The following KATNAL2 variants were observed in gnomAD, a reference collection of about 807,000 sequenced individuals.
KATNAL2 encodes the protein katanin p60 ATPase-containing subunit A-like 2.
A neutral mutation model predicts 76.3 loss-of-function variants in KATNAL2; 52 were observed. That is an observed-to-expected ratio of 0.68 (90% CI 0.55 to 0.86). The LOEUF is 0.86. Ranked by LOEUF, KATNAL2 falls within the 40% of genes least tolerant of loss-of-function variation. The pLI is 0.00. For synonymous variants in KATNAL2, 243 were observed against 244.2 expected (o/e 1.00, Z 0.05); for missense variants, 660 against 668.9 (o/e 0.99, Z 0.15).
intron 3 of KATNAL2, among the ~76,000 whole-genome samples, chr18:46,955,105 C>CCCTCCCTT (rs2059686463): frequency 7.0e-6 from 1 of 143,780 alleles, no homozygotes; most frequent in African/African-American, 2.6e-5. Flanking sequence ...CTCCCTCCCT[C>CCCTCCCTT]CCTTCCTTCC....
At chr18:47,068,147 G>A (rs980150426) in intron 11 of KATNAL2, among the ~76,000 whole-genome samples, 4 of 152,214 alleles carry the variant, frequency 2.6e-5, no homozygotes, top group African/African-American at 4.8e-5. Context: ...CAAAGTCACA[G>A]GGCCAGGCCC....
chr18:46,952,405 T>G (rs1397848655), intron 3 of KATNAL2, among the ~76,000 whole-genome samples: 3 of 139,300 alleles, frequency 2.2e-5, no homozygotes, highest in South Asian at 2.5e-4. Context: ...TTTTTTTTTT[T>G]TTTTTTTTTT....
chr18:47,061,406 C>T (rs890180457), intron 8 of KATNAL2, among the ~76,000 whole-genome samples: 3 of 152,120 alleles, frequency 2.0e-5, no homozygotes, highest in Non-Finnish European at 2.9e-5. Context: ...AACCAGGTCC[C>T]TCGTGAACTA....
Position 47,100,327 on chromosome 18 carries a change from T to A in KATNAL2, c.1448T>A (p.Ile483Asn). ...REAAMRPVRK[I>N]FDALENHQSE... ...GCAGCCATGCGGCCCGTGAGGAAGATCTTTGATGCACTTGAAAATCACCAG... is the reference window on the plus strand; with the variant it reads ...GCAGCCATGCGGCCCGTGAGGAAGAACTTTGATGCACTTGAAAATCACCAG... Residue 483 changes from isoleucine to asparagine, a missense_variant, in exon 17 of 18, where the codon ATC becomes AAC. Ile to Asn is a moderately radical substitution (Grantham distance 149, BLOSUM62 -3). Coordinates refer to ENST00000683218, the MANE Select transcript of KATNAL2 (RefSeq NM_001387690.1). 1.2e-6 allele frequency: 2 copies of A among 1,614,008 alleles called. No homozygotes were observed. Among genetic ancestry groups the A allele is most frequent in the Non-Finnish European group, 8.5e-7 (1 of 1,179,928 alleles).
At chr18:47,033,386 G>A (rs778297197) in intron 3 of KATNAL2, 8 of 1,613,998 alleles carry the variant, frequency 5.0e-6, no homozygotes, top group Non-Finnish European at 5.9e-6. Flanking sequence ...CGTGCAGATC[G>A]GATATTCGTT....
intron 5 of KATNAL2, among the ~76,000 whole-genome samples, chr18:47,054,013 G>A (rs1474804047): frequency 6.6e-6 from 1 of 152,226 alleles, no homozygotes; most frequent in Non-Finnish European, 1.5e-5. Flanking sequence ...TGACTTCAGT[G>A]TTCCCTGCCA....
At chr18:47,055,418 A>G (rs2061443667) in intron 6 of KATNAL2, among the ~76,000 whole-genome samples, 1 of 152,212 alleles carries the variant, frequency 6.6e-6, no homozygotes, top group South Asian at 2.1e-4. Context: ...TGCCTCCGCT[A>G]CATTTCCCAC....
At chr18:46,957,553 C>CCTTTTTTTTTTT (rs1161903395) in intron 3 of KATNAL2, among the ~76,000 whole-genome samples, 1 of 60,512 alleles carries the variant, frequency 1.7e-5, no homozygotes, top group South Asian at 7.5e-4. Context: ...CGCGCCTGGC[C>CCTTTTTTTTTTT]TTTTTTTTTT....
intron 3 of KATNAL2, chr18:47,034,593 G>T: frequency 6.2e-7 from 1 of 1,614,180 alleles, no homozygotes. Context: ...TGTGCCCCTT[G>T]CTGTGGCTCA....
At chr18:46,941,520 AAAT>A (rs2146628000) in intron 1 of KATNAL2, among the ~76,000 whole-genome samples, 2 of 152,196 alleles carry the variant, frequency 1.3e-5, no homozygotes, top group African/African-American at 4.8e-5. Context: ...GAAAAGCAAA[AAAT>A]AAAAATAAAA....
At position 47,033,572 on chromosome 18, in the gene KATNAL2, C is replaced by A. The variant is rs536656582; in HGVS notation, c.52-12885C>A. ...TCTTTCTTTCTGCGATACAGCTGAT[C>A]GGGCCTCCACCCTTCCAGAACAGGT... On this transcript the variant is annotated intron_variant, in intron 3 of 17. Coordinates refer to ENST00000683218, the MANE Select transcript of KATNAL2 (RefSeq NM_001387690.1). 6.2e-6 allele frequency: 10 copies of A among 1,614,198 alleles called. No individual in the cohort carries two copies. The South Asian group carries it at 7.7e-5, about 12-fold the overall frequency.
intron 1 of KATNAL2, among the ~76,000 whole-genome samples, chr18:46,941,961 C>T (rs1449121652): frequency 3.3e-5 from 5 of 152,116 alleles, no homozygotes; most frequent in African/African-American, 7.2e-5. Context: ...TTCCTACCAG[C>T]TAGGGTTACA....
Position 47,069,517 on chromosome 18 carries a change from A to G in KATNAL2, c.925A>G (p.Thr309Ala), listed in dbSNP as rs1348988238. 2 of 1,614,036 alleles carry G rather than the reference A, an allele frequency of 1.2e-6. No homozygotes were observed. Among genetic ancestry groups the G allele is most frequent in the Admixed American group, 3.3e-5 (2 of 60,002 alleles). ...GKTLLAKAVA[T>A]ECKTTFFNIS... ...GACTTTACTGGCCAAAGCTGTGGCC[A>G]CTGAATGTAAAACAACCTTCTTTAA... is the stretch of plus-strand genomic sequence containing the variant. The change falls in exon 13 of 18, where the codon ACT (threonine) becomes GCT (alanine). Residue 309 changes from threonine to alanine, a missense_variant. Transcript: ENST00000683218.
At chr18:46,961,966 C>A (rs542737703) in intron 3 of KATNAL2, among the ~76,000 whole-genome samples, 1 of 152,134 alleles carries the variant, frequency 6.6e-6, no homozygotes, top group Admixed American at 6.6e-5. Flanking sequence ...AGGGAGTCTG[C>A]GGAAAGAGCT....
chr18:47,040,912 A>G (rs2060941232), intron 3 of KATNAL2, among the ~76,000 whole-genome samples: 1 of 152,218 alleles, frequency 6.6e-6, no homozygotes, highest in Non-Finnish European at 1.5e-5. Flanking sequence ...TCTATATTGA[A>G]TACAATTTTA....
At chr18:47,067,474 C>T (rs1348642190) in intron 11 of KATNAL2, among the ~76,000 whole-genome samples, 1 of 152,086 alleles carries the variant, frequency 6.6e-6, no homozygotes, top group Non-Finnish European at 1.5e-5. Flanking sequence ...CACTTTGTTT[C>T]CACAGATCCT....
chr18:47,064,119 G>A (rs902347662), intron 10 of KATNAL2, among the ~76,000 whole-genome samples: 3 of 152,004 alleles, frequency 2.0e-5, no homozygotes, highest in African/African-American at 4.8e-5. Flanking sequence ...GTTGTTTCCT[G>A]TATGCCTCTT....
At position 47,034,759 on chromosome 18, in the gene KATNAL2, C is replaced by T. The variant is rs745676339; in HGVS notation, c.52-11698C>T. The T allele has an allele frequency of 8.1e-6, 13 of 1,612,612 alleles. No homozygotes were observed. The Admixed American group carries it at 1.0e-4, about 12-fold the overall frequency. ...GGGAGCTGTGCGCGTTGGAGAGGCCCGATAGCGGCCGGAATCAGCTGGGGC... is the reference window on the plus strand; with the variant it reads ...GGGAGCTGTGCGCGTTGGAGAGGCCTGATAGCGGCCGGAATCAGCTGGGGC... On this transcript the variant is annotated intron_variant, in intron 3 of 17. Transcript: ENST00000683218.
At chr18:47,089,530 A>G (rs1321788445) in intron 15 of KATNAL2, among the ~76,000 whole-genome samples, 1 of 151,984 alleles carries the variant, frequency 6.6e-6, no homozygotes. Flanking sequence ...ATAGCTGCAG[A>G]CTCTCCTACA....
Sources: allele counts gnomAD v4.1 joint callset (sites outside exome capture counted in the v4.1 genomes callset), GRCh38; gene constraint gnomAD v4.1.1; transcripts MANE v1.5; gene names NCBI Gene and HGNC (gene_info 2026-07-23, HGNC 2026-07-21).